CLSTN2: variants seen among roughly 807,000 people sequenced by gnomAD.
The protein encoded by CLSTN2 is calsyntenin 2, also known as calsyntenin-2.
A neutral mutation model predicts 101.2 loss-of-function variants in CLSTN2; 48 were observed. That is an observed-to-expected ratio of 0.47 (90% CI 0.38 to 0.60). The LOEUF (loss-of-function observed/expected upper bound fraction) is 0.60, where lower values mean the gene tolerates loss of function less well. Among genes scored for constraint, CLSTN2 ranks in the 20% least tolerant of loss-of-function variants. The probability of loss-of-function intolerance (pLI) is 0.00; values close to 1 mark genes in which losing one functional copy is unlikely to be tolerated. For synonymous variants in CLSTN2, 481 were observed against 463.6 expected, an observed-to-expected ratio of 1.04 and a Z score of -0.48; for missense variants, 1,160 against 1,238.2, an observed-to-expected ratio of 0.94 and a Z score of 0.95.
chr3:140,336,923 G>A (rs146387941), intron 2 of CLSTN2, among the ~76,000 whole-genome samples: 1,534 of 152,098 alleles, frequency 0.01, 29 homozygotes, highest in African/African-American at 0.036. Flanking sequence ...CTCCCATCCC[G>A]CCCCACCTTC....
chr3:140,052,562 T>C (rs775788572), intron 1 of CLSTN2, among the ~76,000 whole-genome samples: 21 of 152,180 alleles, frequency 1.4e-4, no homozygotes, highest in Non-Finnish European at 2.9e-4. Flanking sequence ...ATCATAACCC[T>C]GGGGGAAGGC....
At chr3:140,452,228 C>A (rs1257733424) in intron 6 of CLSTN2, among the ~76,000 whole-genome samples, 1 of 152,062 alleles carries the variant, frequency 6.6e-6, no homozygotes, top group South Asian at 2.1e-4. Context: ...TCAGCCTCTA[C>A]CCTGCTGATC....
chr3:140,139,837 G>C (rs1466236113), intron 1 of CLSTN2, among the ~76,000 whole-genome samples: 1 of 152,224 alleles, frequency 6.6e-6, no homozygotes, highest in African/African-American at 2.4e-5. Context: ...TCTTTGTCCA[G>C]TGATGTGTCC....
intron 1 of CLSTN2, among the ~76,000 whole-genome samples, chr3:139,974,253 C>T (rs979028208): frequency 6.6e-6 from 1 of 152,190 alleles, no homozygotes; most frequent in East Asian, 1.9e-4. Context: ...CAAAATGACA[C>T]TGCCTGTCCT....
intron 1 of CLSTN2, among the ~76,000 whole-genome samples, chr3:140,140,905 C>T (rs2009688117): frequency 6.6e-6 from 1 of 152,158 alleles, no homozygotes; most frequent in Non-Finnish European, 1.5e-5. Context: ...GCGACCCCTC[C>T]TTAACTTACA....
intron 9 of CLSTN2, among the ~76,000 whole-genome samples, chr3:140,534,910 G>T (rs1935330455): frequency 6.6e-6 from 1 of 152,138 alleles, no homozygotes; most frequent in East Asian, 1.9e-4. Context: ...TTCCTTAAAT[G>T]GGACATGCCC....
intron 2 of CLSTN2, among the ~76,000 whole-genome samples, chr3:140,283,825 GATTGC>G (rs2086870971): frequency 1.3e-5 from 2 of 151,988 alleles, no homozygotes; most frequent in East Asian, 3.9e-4. Context: ...CAGTTTCTTT[GATTGC>G]TTCTCCCCTT....
intron 8 of CLSTN2, among the ~76,000 whole-genome samples, chr3:140,481,332 C>G (rs1255251929): frequency 6.6e-6 from 1 of 152,178 alleles, no homozygotes; most frequent in East Asian, 1.9e-4. Flanking sequence ...CAGTACCATG[C>G]TATTTTGGTT....
chr3:140,147,540 G>T (rs979570535), intron 1 of CLSTN2, among the ~76,000 whole-genome samples: 2 of 152,154 alleles, frequency 1.3e-5, no homozygotes, highest in African/African-American at 4.8e-5. Flanking sequence ...GGGGCAGAGA[G>T]GAGAGTGAGG....
intron 1 of CLSTN2, among the ~76,000 whole-genome samples, chr3:140,059,930 A>C (rs1232466318): frequency 2.0e-5 from 3 of 152,228 alleles, no homozygotes; most frequent in African/African-American, 7.2e-5. Context: ...TAAGAATAAC[A>C]TCCTAATACA....
intron 1 of CLSTN2, among the ~76,000 whole-genome samples, chr3:140,138,502 G>A (rs994082757): frequency 4.6e-5 from 7 of 152,218 alleles, no homozygotes; most frequent in Non-Finnish European, 1.0e-4. Context: ...CAGTTGGCAA[G>A]GAGTTTAATA....
chr3:140,360,015 C>CACAT lies in CLSTN2; in HGVS notation c.233-43611_233-43610insTACA, dbSNP rs1553736138. Among the ~76,000 whole-genome samples, 147 of 151,430 alleles carry CACAT rather than the reference C, an allele frequency of 9.7e-4. 1 individual carries two copies. In the East Asian group the frequency reaches 0.018, roughly 19 times the overall value. Reference sequence around the variant, plus strand: ...TTATACACACACACACACACACACACACACACACACACATATATATATATA... The same window carrying CACAT: ...TTATACACACACACACACACACACACACATACACACACACACATATATATATATA... On this transcript the variant is annotated intron_variant, in intron 2 of 16. Coordinates refer to ENST00000458420, the MANE Select transcript of CLSTN2 (RefSeq NM_022131.3).
intron 1 of CLSTN2, among the ~76,000 whole-genome samples, chr3:140,007,285 A>G (rs2006977260): frequency 6.6e-6 from 1 of 152,214 alleles, no homozygotes; most frequent in South Asian, 2.1e-4. Flanking sequence ...TTGAGACTGA[A>G]TAACTAACTG....
At chr3:140,492,453 T>C (rs1001379549) in intron 8 of CLSTN2, among the ~76,000 whole-genome samples, 2 of 152,346 alleles carry the variant, frequency 1.3e-5, no homozygotes, top group South Asian at 4.1e-4. Flanking sequence ...ACATTATCCA[T>C]GTCCATGAGG....
chr3:140,240,172 C>A (rs868416340), intron 2 of CLSTN2, among the ~76,000 whole-genome samples: 978 of 13,482 alleles, frequency 0.073, 32 homozygotes, highest in Middle Eastern at 0.17. Context: ...CTCTCTCTCT[C>A]TCTATATATA....
intron 8 of CLSTN2, among the ~76,000 whole-genome samples, chr3:140,531,492 C>T (rs1475898985): frequency 1.3e-5 from 2 of 152,260 alleles, no homozygotes; most frequent in South Asian, 2.1e-4. Context: ...GTCTCCTCTG[C>T]CACAGATGGC....
At chr3:140,485,555 T>G (rs919043244) in intron 8 of CLSTN2, among the ~76,000 whole-genome samples, 1 of 152,140 alleles carries the variant, frequency 6.6e-6, no homozygotes, top group African/African-American at 2.4e-5. Context: ...CCCCCAGAGG[T>G]GGAGTCTACA....
chr3:140,035,620 A>G (rs2007638043), intron 1 of CLSTN2, among the ~76,000 whole-genome samples: 1 of 152,138 alleles, frequency 6.6e-6, no homozygotes, highest in Non-Finnish European at 1.5e-5. Context: ...CCTGCCTCAT[A>G]GGGTTGTTTT....
At chr3:140,199,421 C>G (rs1214103370) in intron 2 of CLSTN2, among the ~76,000 whole-genome samples, 1 of 152,106 alleles carries the variant, frequency 6.6e-6, no homozygotes, top group Non-Finnish European at 1.5e-5. Flanking sequence ...TTTAGTATGT[C>G]TGGAGTAGAC....
Sources: allele counts gnomAD v4.1 joint callset (sites outside exome capture counted in the v4.1 genomes callset), GRCh38; gene constraint gnomAD v4.1.1; transcripts MANE v1.5; gene names NCBI Gene and HGNC (gene_info 2026-07-23, HGNC 2026-07-21).